USP11: variants seen among roughly 807,000 people sequenced by gnomAD.
USP11 encodes ubiquitin carboxyl-terminal hydrolase 11.
A neutral mutation model predicts 72.8 loss-of-function variants in USP11; 5 were observed. The ratio of observed to expected loss-of-function variants is 0.07; its 90% CI spans 0.04 to 0.14. The LOEUF (loss-of-function observed/expected upper bound fraction) is 0.14, where lower values mean the gene tolerates loss of function less well. Among genes scored for constraint, USP11 ranks in the 10% least tolerant of loss-of-function variants. The pLI, the probability that USP11 is intolerant of heterozygous loss-of-function variation, is 1.00. For missense variants in USP11, 480 were observed against 794.7 expected (o/e 0.60, Z 4.76); for synonymous variants, 368 against 326.5 (o/e 1.13, Z -1.37).
At chrX:47,239,668 C>A in intron 3 of USP11, 122 bp from the exon 4 acceptor site, 1 of 960,729 alleles carries the variant, frequency 1.0e-6, no homozygotes, top group Non-Finnish European at 1.5e-6. Context: ...CTTTACAGAC[C>A]ATTGTATATG....
At position 47,233,096 on chromosome X, in the gene USP11, C is replaced by T. The variant is rs751547246; in HGVS notation, c.53C>T (p.Ala18Val). The change falls in exon 1 of 21, where the codon GCA (alanine) becomes GTA (valine). Residue 18 changes from alanine (A) to valine (V), a missense_variant. Physicochemically the swap from Ala to Val is moderately conservative, Grantham distance 64. Coordinates refer to ENST00000377107, the MANE Select transcript of USP11 (RefSeq NM_001371072.1). ...GCTGCTGCGGCGGCTGTGGCGGCGG[C>T]AGCGGCGGTGACTGAGGATAGAGAG... is the stretch of plus-strand genomic sequence containing the variant. ...PAAAAAAVAA[A>V]AAVTEDREPQ... 8.3e-7 allele frequency: 1 copy of T among 1,197,890 alleles called. No individual in the cohort carries two copies. The highest frequency in any genetic ancestry group is 1.8e-5 in the South Asian group (1 of 55,724).
intron 1 of USP11, chrX:47,233,693 A>G (rs1602705373): frequency 3.5e-6 from 1 of 288,578 alleles, no homozygotes; most frequent in Admixed American, 1.0e-4. Context: ...CGAGGGAGGG[A>G]GCGGGGACCT....
At chrX:47,238,487 C>CTTTTTTTT (rs57112058) in intron 1 of USP11, among the ~76,000 whole-genome samples, 3 of 44,302 alleles carry the variant, frequency 6.8e-5, no homozygotes, top group Admixed American at 3.4e-4. Flanking sequence ...TGTGCCCGGT[C>CTTTTTTTT]TTTTTTTTTT....
At position 47,247,943 on chromosome X, in the gene USP11, C is replaced by G. The variant is rs1469160533; in HGVS notation, c.*13C>G. On this transcript the variant is annotated 3_prime_UTR_variant, in exon 21 of 21. Coordinates refer to ENST00000377107, the MANE Select transcript of USP11 (RefSeq NM_001371072.1). ...GGATGTTAATTGAGAGCCCTGGGTC[C>G]TGCCACAGAAAAAAAAAAAAAAAAG... The G allele has an allele frequency of 8.7e-7, 1 of 1,145,078 alleles. No individual in the cohort carries two copies. The highest frequency in any genetic ancestry group is 2.1e-5 in the South Asian group (1 of 48,345). The allele number at this position is 1,145,078 out of a possible 1,213,427, so 94.4% of individuals were successfully genotyped here.
At position 47,241,997 on chromosome X, in the gene USP11, G is replaced by A. The variant is rs767672217; in HGVS notation, c.1180-85G>A. ...CTCTGGACTTTAGCAGTGGCCTTCC[G>A]CTTCACCCCATTTGAATGCACCCCA... On this transcript the variant is annotated intron_variant, in intron 9 of 20. Coordinates refer to ENST00000377107, the MANE Select transcript of USP11 (RefSeq NM_001371072.1). The A allele has an allele frequency of 3.4e-5, 35 of 1,025,673 alleles. 1 individual carries two copies. The highest frequency in any genetic ancestry group is 2.6e-4 in the South Asian group (12 of 46,980). The allele number at this position is 1,025,673 out of a possible 1,213,427, so 84.5% of individuals were successfully genotyped here.
intron 17 of USP11, among the ~76,000 whole-genome samples, chrX:47,246,791 CGGGT>C (rs2040982607): frequency 9.0e-6 from 1 of 110,818 alleles, no homozygotes; most frequent in South Asian, 3.8e-4. Context: ...GAGGCCGACA[CGGGT>C]GGATCACCTG....
intron 12 of USP11, 78 bp downstream of exon 12, chrX:47,242,798 C>A: frequency 1.5e-5 from 12 of 785,609 alleles, no homozygotes; most frequent in South Asian, 2.2e-5. Context: ...GCCTTAACCA[C>A]CTTCTCTCTT....
At chrX:47,241,727 A>G (rs1307344872) in intron 9 of USP11, 28 bp downstream of exon 9, 2 of 1,161,043 alleles carry the variant, frequency 1.7e-6, no homozygotes, top group African/African-American at 1.8e-5. Flanking sequence ...TTGCAGTCCA[A>G]TTAACATCAC....
chrX:47,242,777 T>C lies in USP11; in HGVS notation c.1583+57T>C, dbSNP rs1020979742. On this transcript the variant is annotated intron_variant, in intron 12 of 20. Transcript: ENST00000377107. ...CTCAGGAACTTGGTCCACTTCCTTT[T>C]GTATGGTCCTGCCTTAACCACCTTC... 8.6e-6 allele frequency: 8 copies of C among 931,854 alleles called. No homozygotes were observed. The African/African-American group carries it at 1.5e-4, about 18-fold the overall frequency. The allele number at this position is 931,854 out of a possible 1,213,427, so 76.8% of individuals were successfully genotyped here. A position where few individuals can be genotyped will look rare whatever the true frequency, so the allele number is the denominator to read the frequency against.
intron 12 of USP11, 43 bp from the exon 13 acceptor site, chrX:47,243,353 C>G (rs377203771): frequency 8.3e-7 from 1 of 1,197,837 alleles, no homozygotes; most frequent in East Asian, 3.0e-5. Flanking sequence ...CAGGGAGTCT[C>G]TGGGGGCCCT....
intron 13 of USP11, among the ~76,000 whole-genome samples, chrX:47,243,994 C>T (rs1240439311): frequency 1.8e-5 from 2 of 111,445 alleles, no homozygotes; most frequent in African/African-American, 6.5e-5. Context: ...CCTCATTTTG[C>T]ATTCAAAAGT....
rs752726914 is a variant in USP11, at chrX:47,239,355, G to A, written c.291G>A (p.Glu97=). The A allele has an allele frequency of 8.3e-7, 1 of 1,211,150 alleles. No homozygotes were observed. The highest frequency in any genetic ancestry group is 1.1e-6 in the Non-Finnish European group (1 of 895,204). The part of the protein sequence containing the change: ...CINNATLFQD[E]INWRLKEGLV... ...ACCTCCACCCCCGCCCCACAGATGA[G>A]ATAAACTGGCGCCTCAAGGAGGGAC... Residue 97 remains glutamate (E), a synonymous_variant, in exon 3 of 21, where the codon GAG becomes GAA. Transcript: ENST00000377107.
chrX:47,240,885 A>G lies in USP11; in HGVS notation c.846+9A>G, dbSNP rs751696302. 7.4e-5 allele frequency: 89 copies of G among 1,200,706 alleles called. No homozygotes were observed. Among genetic ancestry groups the G allele is most frequent in the South Asian group, 4.1e-4 (23 of 55,676 alleles). Reference sequence around the variant, plus strand: ...TGAACTCGGCCCTGCAGGTTGGGCCATTATAGTTGTGTCTGGCACAGCCAC... The same window carrying G: ...TGAACTCGGCCCTGCAGGTTGGGCCGTTATAGTTGTGTCTGGCACAGCCAC... On this transcript the variant is annotated intron_variant, in intron 7 of 20. Coordinates refer to ENST00000377107, the MANE Select transcript of USP11 (RefSeq NM_001371072.1).
At chrX:47,233,661 A>G in intron 1 of USP11, 1 of 525,769 alleles carries the variant, frequency 1.9e-6, no homozygotes. Context: ...TCAGCAGAAG[A>G]GCGGGATGGA....
In USP11 at chrX:47,246,913, C is replaced by T. The variant is rs368534597; in HGVS notation, c.2271-159C>T. Among the ~76,000 whole-genome samples, 6 of 109,475 alleles carry T rather than the reference C, an allele frequency of 5.5e-5. No homozygotes were observed. In the East Asian group the frequency reaches 8.7e-4, roughly 16 times the overall value. ...GTGCATGCCTGTAATTCCAGCTACT[C>T]GGGAGGCTGAGGCAGGAGAATCGCT... On this transcript the variant is annotated intron_variant, in intron 17 of 20. Transcript: ENST00000377107.
rs757185444 is a variant in USP11 at position 47,244,482 on chromosome X, C to T, written c.1791-16C>T. On this transcript the variant is annotated splice_polypyrimidine_tract_variant and intron_variant, in intron 13 of 20. Coordinates refer to ENST00000377107, the MANE Select transcript of USP11 (RefSeq NM_001371072.1). ...TCCTTGTACCCGTCTTGGGAGTCTC[C>T]TCTGCTCTGTTGCAGACGCTACGTG... The T allele has an allele frequency of 2.7e-5, 33 of 1,208,437 alleles. No homozygotes were observed. Among genetic ancestry groups the T allele is most frequent in the Middle Eastern group, 4.6e-4 (2 of 4,353 alleles).
intron 6 of USP11, 27 bp from the exon 7 acceptor site, chrX:47,240,747 A>C (rs1465108140): frequency 1.7e-6 from 2 of 1,208,472 alleles, no homozygotes; most frequent in Non-Finnish European, 2.2e-6. Context: ...GCAGGCCCTC[A>C]GCTGACAGTT....
At chrX:47,238,546 C>G (rs935873589) in intron 1 of USP11, among the ~76,000 whole-genome samples, 6 of 32,317 alleles carry the variant, frequency 1.9e-4, no homozygotes, top group Non-Finnish European at 2.9e-4. Flanking sequence ...CCTTATGATT[C>G]TTTTTAGCAT....
chrX:47,240,737 G>A (rs2055398168), intron 6 of USP11, 37 bp from the exon 7 acceptor site: 2 of 1,206,521 alleles, frequency 1.7e-6, no homozygotes, highest in Non-Finnish European at 2.2e-6. Context: ...CCCCCATGCA[G>A]CAGGCCCTCA....
Sources: allele counts gnomAD v4.1 joint callset (sites outside exome capture counted in the v4.1 genomes callset), GRCh38; gene constraint gnomAD v4.1.1; transcripts MANE v1.5; gene names NCBI Gene and HGNC (gene_info 2026-07-23, HGNC 2026-07-21).